PRKRIP1: variants seen among roughly 807,000 people sequenced by gnomAD.
The protein encoded by PRKRIP1 is PRKR-interacting protein 1.
Under a neutral mutation model 29.3 loss-of-function variants are expected in PRKRIP1, and 29 were observed. The observed-to-expected ratio is 0.99, with a 90% CI of 0.74 to 1.35. The LOEUF (loss-of-function observed/expected upper bound fraction) is 1.35. Among genes scored for constraint, PRKRIP1 ranks in the 40% most tolerant of loss-of-function variants. PRKRIP1 has a pLI of 0.00. For synonymous variants in PRKRIP1, 90 were observed against 85.1 expected (o/e 1.06, Z -0.32); for missense variants, 247 against 236.8 (o/e 1.04, Z -0.28).
Position 102,407,449 on chromosome 7 carries a change from G to T in PRKRIP1, c.408G>T (p.Glu136Asp). The T allele has an allele frequency of 2.5e-6, 4 of 1,610,710 alleles. No individual in the cohort carries two copies. The highest frequency in any genetic ancestry group is 1.7e-4 in the Middle Eastern group (1 of 6,050). Residue 136 changes from glutamate to aspartate, a missense_variant, in exon 5 of 6, where the codon GAG becomes GAT. By Grantham distance (45) the Glu-to-Asp change is conservative. Transcript: ENST00000397912. ...KRRKKRQKLK[E>D]KKLLAKKMKL... is the part of the protein sequence containing the mutation. Reference sequence around the variant, plus strand: ...ACATTTTTAGCCAGAAGTTAAAAGAGAAGAAATTACTGGCAAAGAAGATGA... The same window carrying T: ...ACATTTTTAGCCAGAAGTTAAAAGATAAGAAATTACTGGCAAAGAAGATGA...
intron 2 of PRKRIP1, 22 bp from the exon 3 acceptor site, chr7:102,399,526 C>A: frequency 1.3e-6 from 2 of 1,596,204 alleles, no homozygotes; most frequent in Non-Finnish European, 1.7e-6. Context: ...TCATCTAGAA[C>A]TGTGGACTGT....
At chr7:102,400,496 G>A (rs1293630425) in intron 3 of PRKRIP1, among the ~76,000 whole-genome samples, 5 of 152,038 alleles carry the variant, frequency 3.3e-5, no homozygotes, top group South Asian at 2.1e-4. Context: ...TTTAGAGCAG[G>A]TACAATTAGT....
chr7:102,409,484 T>G (rs1554572288), intron 5 of PRKRIP1, among the ~76,000 whole-genome samples: 1 of 151,960 alleles, frequency 6.6e-6, no homozygotes, highest in Non-Finnish European at 1.5e-5. Context: ...TATTTGGAAA[T>G]TTGAGACCAG....
At chr7:102,398,118 G>A (rs1412593616) in intron 2 of PRKRIP1, among the ~76,000 whole-genome samples, 1 of 152,090 alleles carries the variant, frequency 6.6e-6, no homozygotes, top group Non-Finnish European at 1.5e-5. Flanking sequence ...GAGGGGAAAT[G>A]TGTGTTCACA....
At chr7:102,412,578 ACTTATCTTGCCTTCTCAGTTTC>A (rs1554572650) in intron 5 of PRKRIP1, among the ~76,000 whole-genome samples, 1 of 152,206 alleles carries the variant, frequency 6.6e-6, no homozygotes, top group African/African-American at 2.4e-5. Flanking sequence ...TTTGTATGCC[ACTTATCTTGCCTTCTCAGTTTC>A]CTTATTTTTC....
At chr7:102,413,219 C>A (rs552325202) in intron 5 of PRKRIP1, among the ~76,000 whole-genome samples, 1 of 152,284 alleles carries the variant, frequency 6.6e-6, no homozygotes, top group East Asian at 1.9e-4. Context: ...TGTCTCCAGA[C>A]ACGACCAGAT....
rs367822418 is a variant in PRKRIP1, at chr7:102,424,951, TGAAA to T, written c.458-61_458-58del. On this transcript the variant is annotated intron_variant, in intron 5 of 5. Transcript: ENST00000397912. ...TTGACTTCCCATCAGCTCTCCTCTTTGAAAGCACCCTTGACCCTGAACGATTTTG... is the reference window on the plus strand; with the variant it reads ...TTGACTTCCCATCAGCTCTCCTCTTTGCACCCTTGACCCTGAACGATTTTG... 29 of 1,541,872 alleles carry T rather than the reference TGAAA, an allele frequency of 1.9e-5. No individual in the cohort carries two copies. In the African/African-American group the frequency reaches 3.6e-4, roughly 19 times the overall value.
intron 5 of PRKRIP1, among the ~76,000 whole-genome samples, chr7:102,415,951 C>G (rs1489783779): frequency 6.6e-6 from 1 of 152,262 alleles, no homozygotes; most frequent in Non-Finnish European, 1.5e-5. Context: ...CCCTCAGCCT[C>G]GCTGCATGTG....
chr7:102,418,407 C>G (rs1796609650), intron 5 of PRKRIP1, among the ~76,000 whole-genome samples: 1 of 152,130 alleles, frequency 6.6e-6, no homozygotes, highest in Admixed American at 6.5e-5. Flanking sequence ...GGTCTGGGGA[C>G]TAGGCATGTT....
At chr7:102,416,750 C>T (rs1013487039) in intron 5 of PRKRIP1, among the ~76,000 whole-genome samples, 6 of 151,154 alleles carry the variant, frequency 4.0e-5, no homozygotes, top group Middle Eastern at 3.4e-3. Context: ...CACCATCTCA[C>T]CTCACTGCAG....
intron 5 of PRKRIP1, among the ~76,000 whole-genome samples, chr7:102,412,918 T>C (rs1182293990): frequency 6.6e-6 from 1 of 152,210 alleles, no homozygotes; most frequent in Admixed American, 6.5e-5. Context: ...ATTAAGCCAA[T>C]GTGGATTATT....
chr7:102,425,137 G>A lies in PRKRIP1; in HGVS notation c.*26G>A, dbSNP rs1483501098. ...CAATGTTTGCCACAGCCTCTGCCTG[G>A]AACCTGGCTCGTGCTGTGACCAGAA... On this transcript the variant is annotated 3_prime_UTR_variant, in exon 6 of 6. Transcript: ENST00000397912. 6.2e-7 allele frequency: 1 copy of A among 1,602,938 alleles called. No individual in the cohort carries two copies. Among genetic ancestry groups the A allele is most frequent in the Non-Finnish European group, 8.5e-7 (1 of 1,177,278 alleles).
intron 1 of PRKRIP1, 30 bp from the exon 2 acceptor site, chr7:102,397,590 C>T (rs781999836): frequency 3.8e-6 from 6 of 1,583,614 alleles, no homozygotes; most frequent in East Asian, 2.2e-5. Flanking sequence ...CAGGTTTATA[C>T]TTAAATGCTT....
At chr7:102,412,327 G>C (rs1407460687) in intron 5 of PRKRIP1, among the ~76,000 whole-genome samples, 2 of 152,128 alleles carry the variant, frequency 1.3e-5, no homozygotes, top group African/African-American at 4.8e-5. Context: ...GGTCGAGGTG[G>C]GAGGATCTCT....
chr7:102,425,481 C>CA lies in PRKRIP1; in HGVS notation c.*373dup. 1 of 310,492 alleles carries CA rather than the reference C, an allele frequency of 3.2e-6. No individual in the cohort carries two copies. Among genetic ancestry groups the CA allele is most frequent in the Non-Finnish European group, 6.2e-6 (1 of 162,312 alleles). The allele number at this position is 310,492 out of a possible 1,614,324, so 19.2% of individuals were successfully genotyped here. A position where few individuals can be genotyped will look rare whatever the true frequency, so the allele number is the denominator to read the frequency against. On this transcript the variant is annotated 3_prime_UTR_variant, in exon 6 of 6. Transcript: ENST00000397912. ...GTTGGGACATGTGGACCGTGAGTCG[C>CA]AAACACTCTGGAGAAGGCTGAGATG... is the stretch of plus-strand genomic sequence containing the variant.
At chr7:102,424,119 GA>G (rs1554574155) in intron 5 of PRKRIP1, among the ~76,000 whole-genome samples, 1 of 152,282 alleles carries the variant, frequency 6.6e-6, no homozygotes, top group East Asian at 1.9e-4. Flanking sequence ...GTATGACAGT[GA>G]ATTTTAGGCT....
chr7:102,420,375 C>G (rs1357341033), intron 5 of PRKRIP1, among the ~76,000 whole-genome samples: 3 of 152,198 alleles, frequency 2.0e-5, no homozygotes, highest in African/African-American at 7.2e-5. Context: ...TCACATCCTT[C>G]TCAGCACTTG....
At chr7:102,404,965 C>T (rs541750701) in intron 4 of PRKRIP1, among the ~76,000 whole-genome samples, 2 of 151,312 alleles carry the variant, frequency 1.3e-5, no homozygotes, top group African/African-American at 4.9e-5. Flanking sequence ...CTCACTGTGT[C>T]CCCCAGGCTG....
intron 3 of PRKRIP1, among the ~76,000 whole-genome samples, chr7:102,403,317 G>T (rs1796121757): frequency 6.6e-6 from 1 of 152,184 alleles, no homozygotes; most frequent in Non-Finnish European, 1.5e-5. Context: ...TGTTTGGTTT[G>T]GTTTCTGTGC....
Sources: gnomAD v4.1 joint callset for allele counts (sites outside exome capture counted in the v4.1 genomes callset) on GRCh38, gnomAD v4.1.1 for gene constraint, MANE v1.5 for transcripts, NCBI Gene and HGNC (gene_info 2026-07-23, HGNC 2026-07-21) for gene names.